RTTN: variants seen among roughly 807,000 people sequenced by gnomAD.
RTTN encodes rotatin.
In RTTN, 182 loss-of-function variants were observed where a neutral mutation model predicts 269.2. The ratio of observed to expected loss-of-function variants is 0.68; its 90% confidence interval spans 0.60 to 0.76. The LOEUF (loss-of-function observed/expected upper bound fraction) is 0.76, where lower values mean the gene tolerates loss of function less well. Ranked by LOEUF, RTTN falls within the 30% of genes least tolerant of loss-of-function variation. The pLI, the probability that RTTN is intolerant of heterozygous loss-of-function variation, is 0.00. For synonymous variants in RTTN, 1,006 were observed against 963.5 expected (o/e 1.04, Z -0.82); for missense variants, 2,545 against 2,608.6 (o/e 0.98, Z 0.53).
chr18:70,053,963 T>C (rs923014052), intron 38 of RTTN, among the ~76,000 whole-genome samples, 168 bp downstream of exon 38: 9 of 152,340 alleles, frequency 5.9e-5, no homozygotes, highest in African/African-American at 2.2e-4. Flanking sequence ...TTGTCTTAAT[T>C]GGTACCATTA....
Position 70,128,537 on chromosome 18 carries a change from T to TA in RTTN, c.2963dup (p.Pro989ThrfsTer22). On this transcript the variant is annotated frameshift_variant, in exon 24 of 49. Coordinates refer to ENST00000640769, the MANE Select transcript of RTTN (RefSeq NM_173630.4). LOFTEE classifies it high-confidence loss of function. ...CATGGTGTCCAATTACATGAACAGG[T>TA]AGATGGTACCTAAAGAAAATGTGTA... is the stretch of plus-strand genomic sequence containing the variant. 6.2e-7 allele frequency: 1 copy of TA among 1,611,850 alleles called. No homozygotes were observed. Among genetic ancestry groups the TA allele is most frequent in the Non-Finnish European group, 8.5e-7 (1 of 1,178,736 alleles).
At chr18:70,067,616 A>T (rs1290269750) in intron 34 of RTTN, among the ~76,000 whole-genome samples, 3 of 152,246 alleles carry the variant, frequency 2.0e-5, no homozygotes, top group Non-Finnish European at 4.4e-5. Flanking sequence ...ACAAGCTAAT[A>T]TATCTGGCTC....
intron 34 of RTTN, among the ~76,000 whole-genome samples, chr18:70,067,992 C>T (rs938687186): frequency 2.6e-5 from 4 of 152,152 alleles, no homozygotes; most frequent in African/African-American, 7.2e-5. Flanking sequence ...TGGGGAAACA[C>T]AATGATTGCT....
chr18:70,048,007 C>A lies in RTTN; in HGVS notation c.5505G>T (p.Gln1835His). ...ASLLDDSQEN[Q>H]KSLEQLSDVI... ...CATCACTAAGTTGTTCTAGAGATTTCTGATTTTCCTGAGAGTCATCAAGAA... is the reference window on the plus strand; with the variant it reads ...CATCACTAAGTTGTTCTAGAGATTTATGATTTTCCTGAGAGTCATCAAGAA... The change falls in exon 40 of 49, where the codon CAG becomes CAT. Residue 1835 changes from glutamine to histidine, a missense_variant. Transcript: ENST00000640769. The A allele has an allele frequency of 6.2e-7, 1 of 1,614,070 alleles. No individual in the cohort carries two copies.
rs1246941277 is a variant in RTTN at position 70,003,905 on chromosome 18, C to A, written c.*246G>T. On this transcript the variant is annotated 3_prime_UTR_variant, in exon 49 of 49. Transcript: ENST00000640769. ...GGTAAAAATGTTTATGTTCCCAGAA[C>A]TTTCTATGCCTTTTCAACAGAAAGG... 6.0e-6 allele frequency: 2 copies of A among 330,958 alleles called. No homozygotes were observed. Among genetic ancestry groups the A allele is most frequent in the Non-Finnish European group, 1.1e-5 (2 of 184,108 alleles). 20.5% of individuals were successfully genotyped at this position (330,958 alleles called of 1,614,324 possible). A position where few individuals can be genotyped will look rare whatever the true frequency, so the allele number is the denominator to read the frequency against.
At chr18:70,175,804 G>A (rs1451125568) in intron 11 of RTTN, among the ~76,000 whole-genome samples, 1 of 152,024 alleles carries the variant, frequency 6.6e-6, no homozygotes, top group Non-Finnish European at 1.5e-5. Flanking sequence ...AAAAAGAAAA[G>A]GTTCCATGAC....
intron 10 of RTTN, among the ~76,000 whole-genome samples, chr18:70,177,669 A>T (rs1411359386): frequency 1.3e-5 from 2 of 152,206 alleles, no homozygotes; most frequent in Admixed American, 1.3e-4. Context: ...AACATATGAA[A>T]AGAAGAATGA....
At chr18:70,109,928 A>T (rs999925888) in intron 27 of RTTN, among the ~76,000 whole-genome samples, 1 of 152,192 alleles carries the variant, frequency 6.6e-6, no homozygotes, top group Non-Finnish European at 1.5e-5. Flanking sequence ...ACAAGTAACG[A>T]TTACACTGGG....
At chr18:70,109,005 T>G (rs1398431431) in intron 28 of RTTN, among the ~76,000 whole-genome samples, 2 of 152,138 alleles carry the variant, frequency 1.3e-5, no homozygotes, top group African/African-American at 4.8e-5. Flanking sequence ...GAAGATAAAA[T>G]TTCAAAAAAG....
chr18:70,174,151 A>G (rs1294407428), intron 11 of RTTN, among the ~76,000 whole-genome samples: 1 of 123,832 alleles, frequency 8.1e-6, no homozygotes, highest in South Asian at 2.4e-4. Context: ...AAAGTTTAAA[A>G]AAAAAAAAAA....
intron 39 of RTTN, among the ~76,000 whole-genome samples, chr18:70,050,915 C>A (rs779970880): frequency 6.6e-6 from 1 of 151,970 alleles, no homozygotes; most frequent in East Asian, 1.9e-4. Context: ...CACACCGTGT[C>A]GGGGGATGAG....
At chr18:70,061,532 G>A in intron 35 of RTTN, 1 of 358,768 alleles carries the variant, frequency 2.8e-6, no homozygotes. Flanking sequence ...ATACCCCTGG[G>A]CACATAAACA....
At chr18:70,022,040 A>T (rs901569049) in intron 44 of RTTN, among the ~76,000 whole-genome samples, 3 of 152,122 alleles carry the variant, frequency 2.0e-5, no homozygotes, top group African/African-American at 4.8e-5. Context: ...TAAATCTTAA[A>T]TTTATGACCA....
intron 25 of RTTN, 23 bp from the exon 26 acceptor site, chr18:70,121,723 A>T: frequency 6.6e-7 from 1 of 1,519,864 alleles, no homozygotes; most frequent in South Asian, 1.3e-5. Context: ...GACAATAATC[A>T]TGGTTTCTGG....
At chr18:70,023,261 G>A (rs769438656) in intron 44 of RTTN, among the ~76,000 whole-genome samples, 1 of 152,140 alleles carries the variant, frequency 6.6e-6, no homozygotes, top group African/African-American at 2.4e-5. Context: ...CCAGATTCCT[G>A]AGCCACAGAA....
intron 43 of RTTN, among the ~76,000 whole-genome samples, chr18:70,026,123 A>T (rs1453022344): frequency 6.6e-6 from 1 of 152,106 alleles, no homozygotes; most frequent in African/African-American, 2.4e-5. Flanking sequence ...TTAGCTCATT[A>T]CCGTTTATTT....
chr18:70,057,556 T>C (rs893831105), intron 37 of RTTN, among the ~76,000 whole-genome samples, 186 bp downstream of exon 37: 4 of 152,206 alleles, frequency 2.6e-5, no homozygotes, highest in African/African-American at 9.6e-5. Context: ...AAACCCCACC[T>C]CTCTTTTCTA....
chr18:70,075,966 C>T (rs192926016), intron 32 of RTTN, among the ~76,000 whole-genome samples: 153 of 152,078 alleles, frequency 1.0e-3, no homozygotes, highest in Non-Finnish European at 1.7e-3. Context: ...ATACCTATCA[C>T]TAAGCCAGGT....
chr18:70,053,286 T>C (rs2057726994), intron 38 of RTTN: 1 of 152,236 alleles, frequency 6.6e-6, no homozygotes, highest in African/African-American at 2.4e-5. Context: ...TAAGATGTTT[T>C]TGCCTCACCC....
Sources: gnomAD v4.1 joint callset for allele counts (sites outside exome capture counted in the v4.1 genomes callset) on GRCh38, gnomAD v4.1.1 for gene constraint, MANE v1.5 for transcripts, NCBI Gene and HGNC (gene_info 2026-07-23, HGNC 2026-07-21) for gene names.